The following DLGAP2 variants were observed in gnomAD, a reference collection of about 807,000 sequenced individuals.
The protein encoded by DLGAP2 is disks large-associated protein 2.
A neutral mutation model predicts 100.3 loss-of-function variants in DLGAP2; 26 were observed. That is an observed-to-expected ratio of 0.26 (90% CI 0.19 to 0.36). The LOEUF is 0.36. DLGAP2 is among the 10% of genes least tolerant of loss of function. The pLI is 1.00. For synonymous variants in DLGAP2, 886 were observed against 630.1 expected (o/e 1.41, Z -6.08); for missense variants, 1,858 against 1,453.2 (o/e 1.28, Z -4.53).
chr8:1,151,423 G>C (rs963821301), intron 2 of DLGAP2, among the ~76,000 whole-genome samples: 6 of 152,320 alleles, frequency 3.9e-5, no homozygotes, highest in Admixed American at 3.3e-4. Context: ...ACTGTACAGA[G>C]GAAAAGGACC....
intron 1 of DLGAP2, among the ~76,000 whole-genome samples, chr8:885,636 C>T (rs925343774): frequency 2.6e-5 from 4 of 152,190 alleles, no homozygotes; most frequent in African/African-American, 9.7e-5. Flanking sequence ...CCTGATTGCC[C>T]TGGACAGAAC....
At chr8:947,877 G>T (rs745928140) in intron 2 of DLGAP2, among the ~76,000 whole-genome samples, 5 of 139,644 alleles carry the variant, frequency 3.6e-5, no homozygotes, top group Admixed American at 2.1e-4. Flanking sequence ...CCCCAACCCT[G>T]TGCCAGCCCG....
chr8:1,083,995 G>C (rs973756976), intron 2 of DLGAP2, among the ~76,000 whole-genome samples: 5 of 152,176 alleles, frequency 3.3e-5, no homozygotes, highest in African/African-American at 1.2e-4. Flanking sequence ...AGGACCCTGT[G>C]ATTGTAAGCT....
At chr8:1,535,885 C>A (rs1210028712) in intron 4 of DLGAP2, among the ~76,000 whole-genome samples, 1 of 152,164 alleles carries the variant, frequency 6.6e-6, no homozygotes, top group African/African-American at 2.4e-5. Flanking sequence ...ATGGACGGTG[C>A]TGTGGATGGA....
intron 1 of DLGAP2, among the ~76,000 whole-genome samples, chr8:880,234 C>G (rs1474682042): frequency 2.6e-5 from 4 of 152,196 alleles, no homozygotes; most frequent in Non-Finnish European, 5.9e-5. Flanking sequence ...CTCTTTTTGA[C>G]CACATCCTCC....
chr8:1,244,372 T>C (rs984475447), intron 2 of DLGAP2, among the ~76,000 whole-genome samples: 1 of 152,214 alleles, frequency 6.6e-6, no homozygotes, highest in South Asian at 2.1e-4. Flanking sequence ...TGTTAAACGC[T>C]GTATGAACAT....
At chr8:1,453,209 G>C (rs1391848662) in intron 3 of DLGAP2, among the ~76,000 whole-genome samples, 1 of 152,118 alleles carries the variant, frequency 6.6e-6, no homozygotes, top group Non-Finnish European at 1.5e-5. Context: ...AAGGTCTTAG[G>C]CACACAGTTC....
At position 1,703,779 on chromosome 8, in the gene DLGAP2, G is replaced by C. The variant is rs1338228976; in HGVS notation, c.*2373G>C. ...CATGTAGGTTGATTTCTTATGTTTT[G>C]TAGACTCATTGTTATTTTTCAATCC... On this transcript the variant is annotated 3_prime_UTR_variant, in exon 15 of 15. Transcript: ENST00000637795. 1 of 152,414 alleles carries C rather than the reference G, an allele frequency of 6.6e-6. No individual in the cohort carries two copies. The allele number at this position is 152,414 out of a possible 1,614,324, so 9.4% of individuals were successfully genotyped here.
intron 1 of DLGAP2, among the ~76,000 whole-genome samples, chr8:799,764 T>C (rs139499143): frequency 6.6e-6 from 1 of 152,164 alleles, no homozygotes; most frequent in African/African-American, 2.4e-5. Context: ...ATCCAGCTAA[T>C]TTTTAATTTC....
chr8:1,454,405 G>C (rs1438957749), intron 3 of DLGAP2, among the ~76,000 whole-genome samples: 1 of 151,838 alleles, frequency 6.6e-6, no homozygotes, highest in African/African-American at 2.4e-5. Flanking sequence ...CCCTGCGTGA[G>C]TTTGAGGGCA....
At chr8:853,391 G>A (rs1299218978) in intron 1 of DLGAP2, among the ~76,000 whole-genome samples, 2 of 152,244 alleles carry the variant, frequency 1.3e-5, no homozygotes, top group African/African-American at 4.8e-5. Context: ...GGTGCCCAGG[G>A]TTGTGCTGGG....
At chr8:1,552,325 TC>T (rs1801797715) in intron 5 of DLGAP2, among the ~76,000 whole-genome samples, 2 of 152,142 alleles carry the variant, frequency 1.3e-5, no homozygotes, top group South Asian at 4.1e-4. Flanking sequence ...GCTTCCCCCA[TC>T]CCCACATCCG....
intron 3 of DLGAP2, among the ~76,000 whole-genome samples, chr8:1,385,208 AC>A (rs1295612745): frequency 4.9e-4 from 25 of 50,990 alleles, no homozygotes; most frequent in Non-Finnish European, 7.9e-4. Flanking sequence ...GTGCACAGTT[AC>A]CCCGGCCTAT....
At chr8:1,322,866 C>T (rs1032079569) in intron 3 of DLGAP2, among the ~76,000 whole-genome samples, 5 of 152,156 alleles carry the variant, frequency 3.3e-5, no homozygotes, top group African/African-American at 1.2e-4. Flanking sequence ...TATCATTTGT[C>T]ACAGTGCATA....
rs1317373388 is a variant in DLGAP2, at chr8:1,483,710, G to A, written c.107-17656G>A. On this transcript the variant is annotated intron_variant, in intron 3 of 14. Coordinates refer to ENST00000637795, the MANE Select transcript of DLGAP2 (RefSeq NM_001346810.2). Reference sequence around the variant, plus strand: ...GTGGGGACCAGGGAGGCAGGTGCAGGACGTGGGGACCAGGAAGGCAGGTGC... The same window carrying A: ...GTGGGGACCAGGGAGGCAGGTGCAGAACGTGGGGACCAGGAAGGCAGGTGC... Among the ~76,000 whole-genome samples, 3 of 150,848 alleles carry A rather than the reference G, an allele frequency of 2.0e-5. No homozygotes were observed. In the East Asian group the frequency reaches 6.2e-4, roughly 31 times the overall value.
At chr8:780,020 A>C (rs1034823523) in intron 1 of DLGAP2, among the ~76,000 whole-genome samples, 1 of 152,198 alleles carries the variant, frequency 6.6e-6, no homozygotes, top group Non-Finnish European at 1.5e-5. Context: ...GAAAACATTA[A>C]AATTCTATTC....
At chr8:1,235,242 TCA>T (rs1798623776) in intron 2 of DLGAP2, among the ~76,000 whole-genome samples, 4 of 126,650 alleles carry the variant, frequency 3.2e-5, no homozygotes, top group Non-Finnish European at 4.7e-5. Context: ...TCTAGTTCTC[TCA>T]CACATGGCGT....
Position 1,271,615 on chromosome 8 carries a change from A to G in DLGAP2, c.106+12732A>G, listed in dbSNP as rs568727113. Among the ~76,000 whole-genome samples, 8 of 152,298 alleles carry G rather than the reference A, an allele frequency of 5.3e-5. 2 individuals carry two copies. In the South Asian group the frequency reaches 1.7e-3, roughly 32 times the overall value. ...ATACAGCAATGGTTGTACTCTAATG[A>G]TGATGAATATTGATCTACTGTTTTA... On this transcript the variant is annotated intron_variant, in intron 3 of 14. Coordinates refer to ENST00000637795, the MANE Select transcript of DLGAP2 (RefSeq NM_001346810.2).
At position 1,676,629 on chromosome 8, in the gene DLGAP2, C is replaced by T. The variant is rs1160877981; in HGVS notation, c.2288+11C>T. ...GGAAGATGAGAAGCGGTAACTCAGCCCCTCCTGACACGCGGTGACCCCCGA... is the reference window on the plus strand; with the variant it reads ...GGAAGATGAGAAGCGGTAACTCAGCTCCTCCTGACACGCGGTGACCCCCGA... On this transcript the variant is annotated intron_variant, in intron 11 of 14. Coordinates refer to ENST00000637795, the MANE Select transcript of DLGAP2 (RefSeq NM_001346810.2). The T allele has an allele frequency of 1.9e-6, 3 of 1,609,532 alleles. No individual in the cohort carries two copies. Among genetic ancestry groups the T allele is most frequent in the South Asian group, 2.2e-5 (2 of 89,996 alleles).
Sources: gnomAD v4.1 joint callset for allele counts (sites outside exome capture counted in the v4.1 genomes callset) on GRCh38, gnomAD v4.1.1 for gene constraint, MANE v1.5 for transcripts, NCBI Gene and HGNC (gene_info 2026-07-23, HGNC 2026-07-21) for gene names.